The following ITGA11 variants were observed in gnomAD, a reference collection of about 807,000 sequenced individuals.
ITGA11 encodes the protein integrin alpha-11.
A neutral mutation model predicts 141.9 loss-of-function variants in ITGA11; 97 were observed. The observed-to-expected ratio is 0.68, with a 90% confidence interval of 0.58 to 0.81. The LOEUF is 0.81. Ranked by LOEUF, ITGA11 falls within the 30% of genes least tolerant of loss-of-function variation. The probability of loss-of-function intolerance (pLI) is 0.00; values close to 1 mark genes in which losing one functional copy is unlikely to be tolerated. For synonymous variants in ITGA11, 658 were observed against 624.6 expected, an observed-to-expected ratio of 1.05 and a Z score of -0.80; for missense variants, 1,387 against 1,559.2, an observed-to-expected ratio of 0.89 and a Z score of 1.86.
At chr15:68,349,079 G>A (rs1171600880) in intron 9 of ITGA11, among the ~76,000 whole-genome samples, 179 bp from the exon 10 acceptor site, 1 of 152,168 alleles carries the variant, frequency 6.6e-6, no homozygotes, top group Non-Finnish European at 1.5e-5. Flanking sequence ...GCCCTCCCCA[G>A]CACCCTGTGC....
chr15:68,343,512 A>G (rs934397594), intron 10 of ITGA11, among the ~76,000 whole-genome samples: 1 of 152,190 alleles, frequency 6.6e-6, no homozygotes, highest in Non-Finnish European at 1.5e-5. Flanking sequence ...CCTCTTGCCC[A>G]GTAGTCACGG....
intron 10 of ITGA11, among the ~76,000 whole-genome samples, chr15:68,343,594 C>T (rs1296930268): frequency 1.3e-5 from 2 of 152,164 alleles, no homozygotes; most frequent in East Asian, 3.9e-4. Flanking sequence ...GACGATGGAG[C>T]CAGGTGGAGG....
Position 68,301,698 on chromosome 15 carries a change from G to T in ITGA11, c.*1361C>A, listed in dbSNP as rs1893029416. The T allele has an allele frequency of 6.6e-6, 1 of 152,524 alleles. No individual in the cohort carries two copies. The highest frequency in any genetic ancestry group is 6.5e-5 in the Admixed American group (1 of 15,290). The allele number at this position is 152,524 out of a possible 1,614,324, so 9.4% of individuals were successfully genotyped here. On this transcript the variant is annotated 3_prime_UTR_variant, in exon 30 of 30. Transcript: ENST00000315757. This position sits in a 1 kb window ranked among gnomAD's most constrained non-coding sequence, Gnocchi z 4.4. ...TCTGCCCACAGAATGGGATGTCAGT[G>T]CTTGGTTGTTTTTAAACACTGTATT... is the stretch of plus-strand genomic sequence containing the variant.
At position 68,297,949 on chromosome 15, in the gene ITGA11, A is replaced by C. The variant is rs959089466; in HGVS notation, c.*5110T>G. 3 of 152,218 alleles carry C rather than the reference A, an allele frequency of 2.0e-5. No homozygotes were observed. Among genetic ancestry groups the C allele is most frequent in the Non-Finnish European group, 4.4e-5 (3 of 68,036 alleles). 9.4% of individuals were successfully genotyped at this position (152,218 alleles called of 1,614,324 possible). On this transcript the variant is annotated 3_prime_UTR_variant, in exon 30 of 30. Coordinates refer to ENST00000315757, the MANE Select transcript of ITGA11 (RefSeq NM_001004439.2). ...GAGTAGGCTCTGGGTCTCTTGACCC[A>C]CTGAACAGTGCTCTTTCACTGTGAG... is the stretch of plus-strand genomic sequence containing the variant.
chr15:68,359,453 C>A (rs77214036), intron 5 of ITGA11, among the ~76,000 whole-genome samples: 1 of 152,192 alleles, frequency 6.6e-6, no homozygotes, highest in Non-Finnish European at 1.5e-5. Context: ...CGAGACCAGC[C>A]TTGCCAACAT....
At chr15:68,319,735 G>C (rs1038423042) in intron 20 of ITGA11, among the ~76,000 whole-genome samples, 1 of 152,166 alleles carries the variant, frequency 6.6e-6, no homozygotes, top group Non-Finnish European at 1.5e-5. Context: ...CAGGGCCCAG[G>C]AGTCGGGCTG....
intron 3 of ITGA11, 113 bp from the exon 4 acceptor site, chr15:68,364,911 G>T: frequency 9.7e-7 from 1 of 1,036,192 alleles, no homozygotes; most frequent in Non-Finnish European, 1.5e-6. Flanking sequence ...TGACCCTGGG[G>T]ACCTCTGGCT....
chr15:68,371,811 G>T (rs186547796), intron 2 of ITGA11, among the ~76,000 whole-genome samples: 16 of 151,990 alleles, frequency 1.1e-4, no homozygotes, highest in Admixed American at 2.0e-4. Flanking sequence ...GAAAAGTCAC[G>T]TGTCCTGGCA....
At chr15:68,361,204 C>T (rs187182982) in intron 5 of ITGA11, among the ~76,000 whole-genome samples, 6 of 152,318 alleles carry the variant, frequency 3.9e-5, no homozygotes, top group Admixed American at 3.9e-4. Context: ...CTGCATTGCA[C>T]AACATCAGGG....
Position 68,313,807 on chromosome 15 carries a change from T to G in ITGA11, c.2854A>C (p.Lys952Gln), listed in dbSNP as rs1893477737. The G allele has an allele frequency of 1.2e-6, 2 of 1,613,804 alleles. No homozygotes were observed. Among genetic ancestry groups the G allele is most frequent in the South Asian group, 1.1e-5 (1 of 91,072 alleles). ...GTGAAGAGGACGTCAGCCTCGTATT[T>G]GAGGTGGAAGCGTAAGGGGGCCACG... ...DNVAPLRFHL[K>Q]YEADVLFTRS... The change falls in exon 23 of 30, where the codon AAA becomes CAA. Residue 952 changes from lysine (K) to glutamine (Q), a missense_variant. Physicochemically the swap from Lys to Gln is moderately conservative, Grantham distance 53. Transcript: ENST00000315757.
intron 3 of ITGA11, among the ~76,000 whole-genome samples, chr15:68,367,423 T>G (rs1895457980): frequency 6.6e-6 from 1 of 152,154 alleles, no homozygotes; most frequent in East Asian, 1.9e-4. Context: ...CTTAGGGCGT[T>G]TGCACTTGCT....
rs993767732 is a variant in ITGA11, at chr15:68,331,903, T to TG, written c.1725dup (p.Ile576HisfsTer14). On this transcript the variant is annotated frameshift_variant, in exon 14 of 30. Coordinates refer to ENST00000315757, the MANE Select transcript of ITGA11 (RefSeq NM_001004439.2). LOFTEE classifies it high-confidence loss of function. ...ATGCTGCCTCGGAAGCCGTGGAAGA[T>TG]GTAGATGGCTCCTGCGTGGTTGTCC... 3 of 1,613,222 alleles carry TG rather than the reference T, an allele frequency of 1.9e-6. No individual in the cohort carries two copies. In the African/African-American group the frequency reaches 4.0e-5, roughly 22 times the overall value.
intron 1 of ITGA11, among the ~76,000 whole-genome samples, chr15:68,419,330 G>A (rs1465131294): frequency 4.6e-5 from 7 of 152,196 alleles, no homozygotes; most frequent in Admixed American, 4.6e-4. Flanking sequence ...GACTCCATCT[G>A]CCTTTGCTAG....
Position 68,335,538 on chromosome 15 carries a change from C to T in ITGA11, c.1425+159G>A, listed in dbSNP as rs1183559700. On this transcript the variant is annotated intron_variant, in intron 12 of 29. Coordinates refer to ENST00000315757, the MANE Select transcript of ITGA11 (RefSeq NM_001004439.2). This position sits in a 1 kb window ranked among gnomAD's most constrained non-coding sequence, Gnocchi z 4.9. Reference sequence around the variant, plus strand: ...CCATGGGGCCTTCTGTAGGTGGATGCGCACTCCTGCCACTCCTGGCAGCAT... The same window carrying T: ...CCATGGGGCCTTCTGTAGGTGGATGTGCACTCCTGCCACTCCTGGCAGCAT... 2.0e-5 allele frequency among the ~76,000 whole-genome samples: 3 copies of T among 152,190 alleles called. No homozygotes were observed. The highest frequency in any genetic ancestry group is 1.9e-4 in the East Asian group (1 of 5,186).
chr15:68,411,027 T>C (rs555126956), intron 1 of ITGA11, among the ~76,000 whole-genome samples: 43 of 152,338 alleles, frequency 2.8e-4, no homozygotes, highest in African/African-American at 9.9e-4. Context: ...GGCAGCTGCG[T>C]GGCCAACAGG....
Position 68,303,679 on chromosome 15 carries a change from G to A in ITGA11, c.3495+93C>T, listed in dbSNP as rs1286791119. 3 of 815,724 alleles carry A rather than the reference G, an allele frequency of 3.7e-6. No homozygotes were observed. The highest frequency in any genetic ancestry group is 2.3e-5 in the Admixed American group (1 of 43,558). 50.5% of individuals were successfully genotyped at this position (815,724 alleles called of 1,614,324 possible). ...GTGGGGTGCCAGCTCCCCTGGAGAG[G>A]AGAACGTGGCAGCGGCCACGAAGTT... On this transcript the variant is annotated intron_variant, in intron 29 of 29. Transcript: ENST00000315757. The surrounding 1 kb of genome is among the most constrained non-coding windows in gnomAD (Gnocchi z 5.3).
At chr15:68,336,418 C>A (rs1051174445) in intron 11 of ITGA11, among the ~76,000 whole-genome samples, 1 of 152,102 alleles carries the variant, frequency 6.6e-6, no homozygotes, top group Non-Finnish European at 1.5e-5. Context: ...TTTGCAGACT[C>A]AAAGGTGGAA....
intron 6 of ITGA11, 81 bp from the exon 7 acceptor site, chr15:68,357,380 G>A (rs766642580): frequency 1.6e-4 from 239 of 1,515,646 alleles, no homozygotes; most frequent in Non-Finnish European, 1.9e-4. Flanking sequence ...GAGGATCCCC[G>A]GGAGTTGTCT....
chr15:68,334,628 C>T (rs1280343102), intron 12 of ITGA11, among the ~76,000 whole-genome samples: 3 of 148,694 alleles, frequency 2.0e-5, no homozygotes, highest in Non-Finnish European at 4.4e-5. Flanking sequence ...AACTAAGAAG[C>T]GGACAGACAG....
Sources: gnomAD v4.1 joint callset for allele counts (sites outside exome capture counted in the v4.1 genomes callset) on GRCh38, gnomAD v4.1.1 for gene constraint, Gnocchi (gnomAD v3.1) non-coding constraint, MANE v1.5 for transcripts, NCBI Gene and HGNC (gene_info 2026-07-23, HGNC 2026-07-21) for gene names.